The following MYO18A variants were observed in gnomAD, a reference collection of about 807,000 sequenced individuals.
MYO18A encodes myosin XVIIIA, also known as unconventional myosin-XVIIIa.
MYO18A carries 78 observed loss-of-function variants against 235.8 expected under a neutral mutation model. The ratio of observed to expected loss-of-function variants is 0.33; its 90% confidence interval spans 0.28 to 0.40. The LOEUF is 0.40. MYO18A is among the 10% of genes least tolerant of loss of function. The pLI is 1.00. For synonymous variants in MYO18A, 977 were observed against 1,077.8 expected (o/e 0.91, Z 1.83); for missense variants, 2,215 against 2,699.3 (o/e 0.82, Z 3.98).
In MYO18A at chr17:29,118,163, C is replaced by T. The variant is rs375280468; in HGVS notation, c.1920G>A (p.Gln640=). Residue 640 remains glutamine (Q), a synonymous_variant, in exon 10 of 42, where the codon CAG becomes CAA. Coordinates refer to ENST00000527372, the MANE Select transcript of MYO18A (RefSeq NM_078471.4). This position sits in a 1 kb window ranked among gnomAD's most constrained non-coding sequence, Gnocchi z 4.2. ...TGGCCGCCTGCAGCTTACTAAACTG[C>T]TGAGCTGCCTTCTGCTTTTCCTCAG... is the stretch of plus-strand genomic sequence containing the variant. ...AKPEEKQKAA[Q]QFSKLQAAMK... 6.0e-4 allele frequency: 952 copies of T among 1,599,486 alleles called. No individual in the cohort carries two copies. Among genetic ancestry groups the T allele is most frequent in the Middle Eastern group, 1.3e-3 (8 of 6,044 alleles).
In MYO18A at chr17:29,074,686, GA is replaced by G. The variant is rs1432251764; in HGVS notation, c.*83del. ...TGCAGATCAGCAGTCGGGTGGGGGAGACCGGTGCCCCACCACTTCCTGGGAG... is the reference window on the plus strand; with the variant it reads ...TGCAGATCAGCAGTCGGGTGGGGGAGCCGGTGCCCCACCACTTCCTGGGAG... On this transcript the variant is annotated 3_prime_UTR_variant, in exon 42 of 42. Coordinates refer to ENST00000527372, the MANE Select transcript of MYO18A (RefSeq NM_078471.4). This position sits in a 1 kb window ranked among gnomAD's most constrained non-coding sequence, Gnocchi z 4.4. The G allele has an allele frequency of 1.4e-6, 2 of 1,472,386 alleles. No homozygotes were observed. The highest frequency in any genetic ancestry group is 3.4e-5 in the Admixed American group (2 of 58,558). The allele number at this position is 1,472,386 out of a possible 1,614,324, so 91.2% of individuals were successfully genotyped here.
intron 1 of MYO18A, among the ~76,000 whole-genome samples, chr17:29,175,086 A>G (rs946033306): frequency 9.2e-5 from 14 of 152,108 alleles, no homozygotes; most frequent in African/African-American, 3.1e-4. Flanking sequence ...GAAGGGTCAA[A>G]TAGACTTGTG....
In MYO18A at chr17:29,074,165, G is replaced by T; in HGVS notation, c.*605C>A. 1 of 1,612,496 alleles carries T rather than the reference G, an allele frequency of 6.2e-7. No individual in the cohort carries two copies. Among genetic ancestry groups the T allele is most frequent in the South Asian group, 1.1e-5 (1 of 90,838 alleles). ...AGCGTCTCCAGCTGCACAGAGAAAG[G>T]ACTGCTCTCTGAAGGGTGAAGATGG... On this transcript the variant is annotated 3_prime_UTR_variant, in exon 42 of 42. Coordinates refer to ENST00000527372, the MANE Select transcript of MYO18A (RefSeq NM_078471.4). The surrounding 1 kb of genome is among the most constrained non-coding windows in gnomAD (Gnocchi z 4.4).
chr17:29,117,546 C>T lies in MYO18A; in HGVS notation c.2038+499G>A, dbSNP rs1280952598. Among the ~76,000 whole-genome samples, 7 of 152,134 alleles carry T rather than the reference C, an allele frequency of 4.6e-5. No homozygotes were observed. Among genetic ancestry groups the T allele is most frequent in the Non-Finnish European group, 1.0e-4 (7 of 68,024 alleles). On this transcript the variant is annotated intron_variant, in intron 10 of 41. Transcript: ENST00000527372. This position sits in a 1 kb window ranked among gnomAD's most constrained non-coding sequence, Gnocchi z 4.6. ...GACACCCCACAGCCTGCAGGCTCCA[C>T]TTCCACTCTCAACCTCCAGGCTTCT...
chr17:29,130,468 CCT>C (rs1257137558), intron 2 of MYO18A, among the ~76,000 whole-genome samples: 2 of 137,926 alleles, frequency 1.5e-5, no homozygotes, highest in African/African-American at 5.6e-5. Context: ...AACTCTGAGG[CCT>C]CTCCCACACA....
intron 26 of MYO18A, among the ~76,000 whole-genome samples, 190 bp from the exon 27 acceptor site, chr17:29,097,540 G>A (rs1488240170): frequency 6.6e-6 from 1 of 152,214 alleles, no homozygotes; most frequent in African/African-American, 2.4e-5. Flanking sequence ...CATGAGATGT[G>A]GCTACATGTG....
chr17:29,154,737 TG>T (rs1208184815), intron 2 of MYO18A, among the ~76,000 whole-genome samples: 1 of 152,134 alleles, frequency 6.6e-6, no homozygotes, highest in Non-Finnish European at 1.5e-5. Flanking sequence ...ATGCCTGAAG[TG>T]CCAGGCACAC....
chr17:29,145,483 T>G (rs1193515555), intron 2 of MYO18A, among the ~76,000 whole-genome samples: 1 of 152,190 alleles, frequency 6.6e-6, no homozygotes, highest in African/African-American at 2.4e-5. Context: ...CGTTCACTTA[T>G]TCAACTAGCT....
chr17:29,082,528 C>A, intron 40 of MYO18A, 90 bp from the exon 41 acceptor site: 2 of 1,403,528 alleles, frequency 1.4e-6, no homozygotes, highest in Non-Finnish European at 2.0e-6. Flanking sequence ...GTGTCTTGGG[C>A]AGGGGGGATG....
intron 1 of MYO18A, among the ~76,000 whole-genome samples, chr17:29,169,957 T>C (rs1226013942): frequency 6.6e-6 from 1 of 152,132 alleles, no homozygotes; most frequent in Admixed American, 6.5e-5. Flanking sequence ...CTCACTGTCA[T>C]TGCAGCAGGC....
intron 2 of MYO18A, among the ~76,000 whole-genome samples, chr17:29,133,135 G>A (rs1039237988): frequency 2.0e-5 from 3 of 152,186 alleles, no homozygotes; most frequent in African/African-American, 7.2e-5. Context: ...CCAAATGTCT[G>A]GCCCAAGGTG....
intron 2 of MYO18A, among the ~76,000 whole-genome samples, chr17:29,156,230 C>G (rs2068063545): frequency 6.6e-6 from 1 of 152,270 alleles, no homozygotes; most frequent in Non-Finnish European, 1.5e-5. Context: ...GGGCCACATT[C>G]CAGCCCCTCA....
intron 34 of MYO18A, chr17:29,091,674 C>G (rs2066401189): frequency 2.2e-6 from 1 of 454,908 alleles, no homozygotes; most frequent in Non-Finnish European, 4.4e-6. Flanking sequence ...ATAAATCAAG[C>G]CCGTGAGATT....
In MYO18A at chr17:29,107,121, T is replaced by C. The variant is rs1032448858; in HGVS notation, c.3400A>G (p.Lys1134Glu). ...ACGATGTAGTTACGCCCGTGTTTCTTGGTCAGGTGCGGGGCCAGGACATCA... is the reference window on the plus strand; with the variant it reads ...ACGATGTAGTTACGCCCGTGTTTCTCGGTCAGGTGCGGGGCCAGGACATCA... ...RFDVLAPHLT[K>E]KHGRNYIVVD... Residue 1134 changes from lysine to glutamate, a missense_variant, in exon 20 of 42, where the codon AAG (lysine) becomes GAG (glutamate). Lys to Glu is a moderately conservative substitution (Grantham distance 56). Transcript: ENST00000527372. 6.2e-7 allele frequency: 1 copy of C among 1,613,890 alleles called. No individual in the cohort carries two copies. The highest frequency in any genetic ancestry group is 1.3e-5 in the African/African-American group (1 of 74,924).
rs1417496671 is a variant in MYO18A, at chr17:29,074,887, G to T, written c.6048C>A (p.Ala2016=). 6.2e-7 allele frequency: 1 copy of T among 1,613,844 alleles called. No homozygotes were observed. Among genetic ancestry groups the T allele is most frequent in the African/African-American group, 1.3e-5 (1 of 74,920 alleles). Residue 2016 remains alanine (A), a synonymous_variant, in exon 42 of 42, where the codon GCC becomes GCA. Transcript: ENST00000527372. This position sits in a 1 kb window ranked among gnomAD's most constrained non-coding sequence, Gnocchi z 4.4. ...SSPTSYWKSL[A]PDRSDDEHDP... The stretch of plus-strand genomic sequence containing the variant: ...CGTGCTCATCATCTGACCGATCAGG[G>T]GCAAGGGACTTCCAGTAGCTGGTGG...
intron 1 of MYO18A, among the ~76,000 whole-genome samples, chr17:29,173,178 C>T (rs1211567733): frequency 1.3e-5 from 2 of 151,812 alleles, no homozygotes; most frequent in Middle Eastern, 3.4e-3. Flanking sequence ...CACTGCAATC[C>T]GCCTCCCGGG....
At chr17:29,115,263 C>G in intron 13 of MYO18A, 88 bp downstream of exon 13, 2 of 1,502,474 alleles carry the variant, frequency 1.3e-6, no homozygotes, top group South Asian at 2.4e-5. Flanking sequence ...CTGGAAGAGA[C>G]CGGCTCTGCC....
intron 2 of MYO18A, among the ~76,000 whole-genome samples, chr17:29,164,032 G>A (rs2068228907): frequency 6.6e-6 from 1 of 152,188 alleles, no homozygotes; most frequent in Admixed American, 6.5e-5. Context: ...TGGGATTACA[G>A]GCATGCGCCA....
intron 33 of MYO18A, 139 bp downstream of exon 33, chr17:29,092,716 G>A: frequency 1.6e-6 from 2 of 1,215,458 alleles, no homozygotes; most frequent in East Asian, 4.7e-5. Flanking sequence ...GAGTCTAGCT[G>A]CTACACGTGG....
Sources: allele counts gnomAD v4.1 joint callset (sites outside exome capture counted in the v4.1 genomes callset), GRCh38; gene constraint gnomAD v4.1.1; non-coding constraint Gnocchi (gnomAD v3.1); transcripts MANE v1.5; gene names NCBI Gene and HGNC (gene_info 2026-07-23, HGNC 2026-07-21).